Variants in BRWD1 observed in about 807,000 individuals in gnomAD.
The protein encoded by BRWD1 is bromodomain and WD repeat-containing protein 1.
BRWD1 carries 82 observed loss-of-function variants against 251.2 expected under a neutral mutation model. The observed-to-expected ratio is 0.33, with a 90% CI of 0.27 to 0.39. The LOEUF (loss-of-function observed/expected upper bound fraction) is 0.39, where lower values mean the gene tolerates loss of function less well. Among genes scored for constraint, BRWD1 ranks in the 10% least tolerant of loss-of-function variants. The pLI is 1.00. For missense variants in BRWD1, 2,233 were observed against 2,711.6 expected, an observed-to-expected ratio of 0.82 and a Z score of 3.92; for synonymous variants, 918 against 902.8, an observed-to-expected ratio of 1.02 and a Z score of -0.30.
chr21:39,313,471 G>A lies in BRWD1; in HGVS notation c.21C>T (p.Ala7=). 5 of 1,348,276 alleles carry A rather than the reference G, an allele frequency of 3.7e-6. No individual in the cohort carries two copies. Among genetic ancestry groups the A allele is most frequent in the Non-Finnish European group, 4.7e-6 (5 of 1,056,424 alleles). The allele number at this position is 1,348,276 out of a possible 1,614,324, so 83.5% of individuals were successfully genotyped here. ...ACTCGATGAGAGGCACCGGGCGTCG[G>A]GCGGACGACGGCTCCGCCATGGCCG... MAEPSS[A]RRPVPLIESE... is the part of the protein sequence containing the mutation. The change falls in exon 1 of 41, where the codon GCC becomes GCT. Residue 7 remains alanine (A), a synonymous_variant. Coordinates refer to ENST00000342449, the MANE Select transcript of BRWD1 (RefSeq NM_033656.4).
At chr21:39,247,351 G>A (rs977475534) in intron 21 of BRWD1, among the ~76,000 whole-genome samples, 5 of 152,140 alleles carry the variant, frequency 3.3e-5, no homozygotes, top group African/African-American at 1.2e-4. Context: ...TCCAGATTTT[G>A]GAAAATTTGC....
At chr21:39,292,115 TGGGGGGTGGGTGGGGGTGGG>T (rs1568960395) in intron 8 of BRWD1, among the ~76,000 whole-genome samples, 1 of 10,276 alleles carries the variant, frequency 9.7e-5, no homozygotes, top group Non-Finnish European at 2.1e-3. Context: ...CTATTTTTTG[TGGGGGGTGGGTGGGGGTGGG>T]GGGGGGGGTC....
rs371353068 is a variant in BRWD1 at position 39,197,214 on chromosome 21, T to C, written c.5855A>G (p.Asn1952Ser). 42 of 1,613,954 alleles carry C rather than the reference T, an allele frequency of 2.6e-5. No individual in the cohort carries two copies. The highest frequency in any genetic ancestry group is 3.3e-5 in the Non-Finnish European group (39 of 1,179,956). ...MSDVEDVSLE[N>S]VHTRSKNGRK... ...TCCATTTTTGCTTCTAGTGTGCACA[T>C]TTTCTAAACTGACATCTTCTACATC... The change falls in exon 41 of 41, where the codon AAT becomes AGT. Residue 1952 changes from asparagine to serine, a missense_variant. By Grantham distance (46) the Asn-to-Ser change is conservative. Coordinates refer to ENST00000342449, the MANE Select transcript of BRWD1 (RefSeq NM_033656.4).
intron 4 of BRWD1, among the ~76,000 whole-genome samples, chr21:39,299,258 AAAT>A (rs1329179167): frequency 4.0e-5 from 5 of 125,612 alleles, no homozygotes; most frequent in Non-Finnish European, 1.7e-5. Context: ...AAAAAAAAAA[AAAT>A]ATATATATAT....
chr21:39,229,462 TTAAAA>T, intron 25 of BRWD1, 26 bp from the exon 26 acceptor site: 1 of 1,577,048 alleles, frequency 6.3e-7, no homozygotes, highest in Non-Finnish European at 8.7e-7. Flanking sequence ...TTTTTAATGG[TTAAAA>T]TAAAAGCAAT....
At chr21:39,232,569 A>G in intron 23 of BRWD1, 71 bp from the exon 24 acceptor site, 1 of 1,522,996 alleles carries the variant, frequency 6.6e-7, no homozygotes, top group Non-Finnish European at 8.8e-7. Flanking sequence ...ATGAAAAATA[A>G]AAGAAACTTT....
Position 39,250,729 on chromosome 21 carries a change from A to T in BRWD1, c.2349+67T>A, listed in dbSNP as rs1004865038. On this transcript the variant is annotated intron_variant, in intron 20 of 40. Coordinates refer to ENST00000342449, the MANE Select transcript of BRWD1 (RefSeq NM_033656.4). ...GATGAAAGTTACTGATAGTTTTATA[A>T]ATCAAAAAGAAAACTCTATATTTCA... The T allele has an allele frequency of 1.6e-5, 16 of 1,022,364 alleles. No individual in the cohort carries two copies. In the Admixed American group the frequency reaches 3.4e-4, roughly 22 times the overall value. The allele number at this position is 1,022,364 out of a possible 1,614,324, so 63.3% of individuals were successfully genotyped here. A position where few individuals can be genotyped will look rare whatever the true frequency, so the allele number is the denominator to read the frequency against.
intron 34 of BRWD1, 71 bp from the exon 35 acceptor site, chr21:39,211,000 T>C: frequency 7.1e-7 from 1 of 1,398,902 alleles, no homozygotes; most frequent in Non-Finnish European, 9.7e-7. Flanking sequence ...ATGTAACTGA[T>C]CTACTGTCTT....
intron 36 of BRWD1, among the ~76,000 whole-genome samples, chr21:39,209,607 G>A (rs1365965997): frequency 2.6e-5 from 4 of 152,086 alleles, no homozygotes; most frequent in Non-Finnish European, 5.9e-5. Flanking sequence ...CTCACAATCA[G>A]ATTTTCCTTT....
At chr21:39,296,019 T>G (rs1477739615) in intron 6 of BRWD1, 116 bp from the exon 7 acceptor site, 3 of 876,154 alleles carry the variant, frequency 3.4e-6, no homozygotes, top group Non-Finnish European at 4.8e-6. Flanking sequence ...GAAGCCCTAA[T>G]GACACAATTT....
intron 21 of BRWD1, among the ~76,000 whole-genome samples, chr21:39,246,839 C>A (rs2034206879): frequency 6.6e-6 from 1 of 152,142 alleles, no homozygotes; most frequent in Admixed American, 6.5e-5. Context: ...TCCCAGCACT[C>A]TGGGAGGCCG....
chr21:39,282,972 A>AG (rs59862181), intron 8 of BRWD1, among the ~76,000 whole-genome samples: 4,525 of 151,638 alleles, frequency 0.03, 239 homozygotes, highest in African/African-American at 0.1. Context: ...AAAAAAAAAA[A>AG]AAAAGGAATT....
chr21:39,236,850 T>C (rs943584994), intron 22 of BRWD1, 66 bp from the exon 23 acceptor site: 4 of 1,403,796 alleles, frequency 2.8e-6, no homozygotes, highest in Non-Finnish European at 3.9e-6. Context: ...AAGTCAATCA[T>C]ATAAAATTGA....
intron 21 of BRWD1, among the ~76,000 whole-genome samples, chr21:39,242,073 C>G (rs544833920): frequency 9.2e-5 from 14 of 152,282 alleles, no homozygotes; most frequent in Admixed American, 9.2e-4. Context: ...AAGAGTCACA[C>G]ATATCTTACT....
At position 39,196,671 on chromosome 21, in the gene BRWD1, GGATGC is replaced by G. The variant is rs2031833328; in HGVS notation, c.6393_6397del (p.His2132Ter). 1 of 1,613,760 alleles carries G rather than the reference GGATGC, an allele frequency of 6.2e-7. No homozygotes were observed. ...AGAGATTTTCACATTTTCCAATTCA[GGATGC>G]GATCTCTTCCTTTTTACTTCCTTCT... On this transcript the variant is annotated frameshift_variant, in exon 41 of 41. Transcript: ENST00000342449. LOFTEE classifies it high-confidence loss of function.
chr21:39,270,981 T>C (rs372374243), intron 13 of BRWD1, among the ~76,000 whole-genome samples: 3 of 152,220 alleles, frequency 2.0e-5, no homozygotes, highest in Non-Finnish European at 4.4e-5. Flanking sequence ...ATGCCTAGAA[T>C]GTTTTTCATC....
chr21:39,232,538 G>A (rs2033656289), intron 23 of BRWD1, 40 bp from the exon 24 acceptor site: 1 of 1,574,186 alleles, frequency 6.4e-7, no homozygotes, highest in Non-Finnish European at 8.5e-7. Flanking sequence ...AGATTAGAAA[G>A]GGGCAGCATG....
chr21:39,263,196 C>T lies in BRWD1; in HGVS notation c.1885+1264G>A, dbSNP rs189941623. ...CTTCAATAAAAGTAATAAAAAATAA[C>T]ATTTGAAATAGCAACCATATAGTAA... On this transcript the variant is annotated intron_variant, in intron 17 of 40. Coordinates refer to ENST00000342449, the MANE Select transcript of BRWD1 (RefSeq NM_033656.4). Among the ~76,000 whole-genome samples, 58 of 152,268 alleles carry T rather than the reference C, an allele frequency of 3.8e-4. 1 individual carries two copies. Among genetic ancestry groups the T allele is most frequent in the Admixed American group, 2.6e-3 (40 of 15,296 alleles).
At chr21:39,289,378 A>G (rs1276777160) in intron 8 of BRWD1, among the ~76,000 whole-genome samples, 1 of 152,174 alleles carries the variant, frequency 6.6e-6, no homozygotes, top group Non-Finnish European at 1.5e-5. Flanking sequence ...CACACTATTC[A>G]TTCTTTAATT....
Sources: allele counts gnomAD v4.1 joint callset (sites outside exome capture counted in the v4.1 genomes callset), GRCh38; gene constraint gnomAD v4.1.1; transcripts MANE v1.5; gene names NCBI Gene and HGNC (gene_info 2026-07-23, HGNC 2026-07-21).